The following INTS9 variants were observed in gnomAD, a reference collection of about 807,000 sequenced individuals.
The protein encoded by INTS9 is integrator complex subunit 9, also known as protein related to CPSF subunits of 74 kDa.
A neutral mutation model predicts 79.7 loss-of-function variants in INTS9; 55 were observed. The ratio of observed to expected loss-of-function variants is 0.69; its 90% CI spans 0.56 to 0.86. The LOEUF (loss-of-function observed/expected upper bound fraction) is 0.86, where lower values mean the gene tolerates loss of function less well. INTS9 is among the 40% of genes least tolerant of loss of function. INTS9 has a pLI of 0.00. For missense variants in INTS9, 721 were observed against 831.5 expected (o/e 0.87, Z 1.64); for synonymous variants, 319 against 325.2 (o/e 0.98, Z 0.20).
In INTS9 at chr8:28,767,821, T is replaced by C; in HGVS notation, c.*325A>G. The C allele has an allele frequency of 2.9e-6, 1 of 347,520 alleles. No individual in the cohort carries two copies. The allele number at this position is 347,520 out of a possible 1,614,324, so 21.5% of individuals were successfully genotyped here. ...GGCTCCCCTGGCCGAGGCCTGGGACTGATGCAAGACAGCCAGCCAGTCACC... is the reference window on the plus strand; with the variant it reads ...GGCTCCCCTGGCCGAGGCCTGGGACCGATGCAAGACAGCCAGCCAGTCACC... On this transcript the variant is annotated 3_prime_UTR_variant, in exon 17 of 17. Coordinates refer to ENST00000521022, the MANE Select transcript of INTS9 (RefSeq NM_018250.4).
chr8:28,776,643 G>A (rs190132679), intron 13 of INTS9, among the ~76,000 whole-genome samples: 24 of 152,134 alleles, frequency 1.6e-4, no homozygotes, highest in Non-Finnish European at 3.4e-4. Context: ...CAGGCTGACC[G>A]GGCTGAGCTT....
At chr8:28,798,194 T>G (rs1199533558) in intron 8 of INTS9, 1 of 152,256 alleles carries the variant, frequency 6.6e-6, no homozygotes, top group East Asian at 1.9e-4. Flanking sequence ...CAAATACATA[T>G]GCATCCATTA....
intron 16 of INTS9, among the ~76,000 whole-genome samples, chr8:28,768,721 C>G (rs1257601263): frequency 6.6e-6 from 1 of 152,200 alleles, no homozygotes; most frequent in Admixed American, 6.5e-5. Context: ...CTTGGCAGAG[C>G]CCTCTCAAGA....
At chr8:28,842,748 T>C (rs1039829354) in intron 4 of INTS9, among the ~76,000 whole-genome samples, 1 of 152,200 alleles carries the variant, frequency 6.6e-6, no homozygotes, top group African/African-American at 2.4e-5. Context: ...GTACAACACC[T>C]GGACACAGTT....
At chr8:28,783,350 G>A (rs1414698511) in intron 11 of INTS9, among the ~76,000 whole-genome samples, 3 of 152,110 alleles carry the variant, frequency 2.0e-5, no homozygotes, top group African/African-American at 7.2e-5. Context: ...CTGCTGCCCA[G>A]GCCTCCTTGC....
At chr8:28,873,836 T>G (rs566458305) in intron 1 of INTS9, among the ~76,000 whole-genome samples, 23 of 152,322 alleles carry the variant, frequency 1.5e-4, no homozygotes, top group Non-Finnish European at 2.4e-4. Context: ...GGATCCCCCC[T>G]TCCCACTATC....
intron 10 of INTS9, among the ~76,000 whole-genome samples, chr8:28,788,903 A>G (rs1803767857): frequency 6.6e-6 from 1 of 152,238 alleles, no homozygotes. Context: ...TGATAAATCA[A>G]TATATGTGGG....
At chr8:28,826,423 A>C (rs1010989891) in intron 6 of INTS9, among the ~76,000 whole-genome samples, 14 of 152,160 alleles carry the variant, frequency 9.2e-5, no homozygotes, top group Non-Finnish European at 7.3e-5. Context: ...AAAAAAATCA[A>C]GGAGGAGCTC....
chr8:28,817,440 G>T (rs912058173), intron 6 of INTS9, among the ~76,000 whole-genome samples: 7 of 151,996 alleles, frequency 4.6e-5, no homozygotes, highest in African/African-American at 1.7e-4. Context: ...GTTTTTCTCA[G>T]GTTTGTCAAA....
rs991712596 is a variant in INTS9, at chr8:28,885,726, A to G, written c.9+4148T>C. ...CAACGTGCTCAGAATTTTTTGTTCC[A>G]TGTTCTTTCGGTAAGGACCTTTGTG... On this transcript the variant is annotated intron_variant, in intron 1 of 16. Coordinates refer to ENST00000521022, the MANE Select transcript of INTS9 (RefSeq NM_018250.4). 1.6e-4 allele frequency among the ~76,000 whole-genome samples: 25 copies of G among 152,300 alleles called. No homozygotes were observed. In the East Asian group the frequency reaches 2.9e-3, roughly 18 times the overall value.
At chr8:28,805,120 T>C (rs1357481074) in intron 8 of INTS9, among the ~76,000 whole-genome samples, 2 of 152,190 alleles carry the variant, frequency 1.3e-5, no homozygotes, top group Non-Finnish European at 2.9e-5. Flanking sequence ...TCACAGATAC[T>C]ACATTCACAG....
intron 10 of INTS9, among the ~76,000 whole-genome samples, chr8:28,790,356 T>A (rs1193491826): frequency 6.6e-6 from 1 of 152,126 alleles, no homozygotes; most frequent in Non-Finnish European, 1.5e-5. Flanking sequence ...GGAAAAAGGG[T>A]GCCTTACAGC....
chr8:28,887,589 A>G (rs1021757264), intron 1 of INTS9, among the ~76,000 whole-genome samples: 1 of 152,218 alleles, frequency 6.6e-6, no homozygotes, highest in African/African-American at 2.4e-5. Flanking sequence ...CCTATTACAT[A>G]TTTCTGAAGC....
chr8:28,832,439 C>T (rs1806549103), intron 6 of INTS9, among the ~76,000 whole-genome samples: 1 of 152,212 alleles, frequency 6.6e-6, no homozygotes, highest in African/African-American at 2.4e-5. Flanking sequence ...AGAAAGTGTG[C>T]ACAGATAAGC....
In INTS9 at chr8:28,768,173, A is replaced by C; in HGVS notation, c.1950T>G (p.Leu650=). Residue 650 remains leucine (L), a synonymous_variant, in exon 17 of 17, where the codon CTT becomes CTG. Transcript: ENST00000521022. ...DEMLRVRLRD[L]VLKFLQKF ...AGAACTTCTGTAAGAATTTGAGGAC[A>C]AGGTCCCGCAGTCGCACTCTGAGCA... 1 of 1,614,148 alleles carries C rather than the reference A, an allele frequency of 6.2e-7. No individual in the cohort carries two copies. The highest frequency in any genetic ancestry group is 8.5e-7 in the Non-Finnish European group (1 of 1,180,028).
At chr8:28,783,508 G>A (rs925997571) in intron 11 of INTS9, 1 of 152,320 alleles carries the variant, frequency 6.6e-6, no homozygotes, top group Non-Finnish European at 1.5e-5. Flanking sequence ...TGTTGTGCAT[G>A]AGAGGGCCCT....
intron 8 of INTS9, among the ~76,000 whole-genome samples, chr8:28,808,644 G>T (rs1804944045): frequency 6.6e-6 from 1 of 152,100 alleles, no homozygotes; most frequent in South Asian, 2.1e-4. Context: ...ACTCTTCCTT[G>T]TTAACTGGAA....
intron 6 of INTS9, among the ~76,000 whole-genome samples, chr8:28,816,394 T>C (rs1037913727): frequency 4.7e-5 from 7 of 147,682 alleles, no homozygotes; most frequent in African/African-American, 1.8e-4. Flanking sequence ...TGAGTGAGAA[T>C]ATGCGGTGTT....
chr8:28,869,224 T>G (rs565921661), intron 1 of INTS9, among the ~76,000 whole-genome samples: 1 of 152,190 alleles, frequency 6.6e-6, no homozygotes, highest in South Asian at 2.1e-4. Context: ...AAGTTTAAAA[T>G]AGAGATGGGG....
Sources: gnomAD v4.1 joint callset for allele counts (sites outside exome capture counted in the v4.1 genomes callset) on GRCh38, gnomAD v4.1.1 for gene constraint, MANE v1.5 for transcripts, NCBI Gene and HGNC (gene_info 2026-07-23, HGNC 2026-07-21) for gene names.